Variants in SMG7 observed in about 807,000 individuals in gnomAD.
SMG7 encodes the protein nonsense-mediated mRNA decay factor SMG7.
A neutral mutation model predicts 148.2 loss-of-function variants in SMG7; 34 were observed. The ratio of observed to expected loss-of-function variants is 0.23; its 90% confidence interval spans 0.17 to 0.31. The LOEUF is 0.31. Among genes scored for constraint, SMG7 ranks in the 10% least tolerant of loss-of-function variants. The pLI is 1.00. For missense variants in SMG7, 1,114 were observed against 1,408.4 expected (o/e 0.79, Z 3.35); for synonymous variants, 492 against 515.1 (o/e 0.96, Z 0.61).
intron 1 of SMG7, among the ~76,000 whole-genome samples, chr1:183,506,065 G>A (rs1660823790): frequency 6.6e-6 from 1 of 152,152 alleles, no homozygotes; most frequent in Non-Finnish European, 1.5e-5. Context: ...TTCATTATCT[G>A]TGGCTTTCTG....
chr1:183,510,720 A>G (rs1557995237), intron 1 of SMG7, among the ~76,000 whole-genome samples: 1 of 152,066 alleles, frequency 6.6e-6, no homozygotes, highest in Non-Finnish European at 1.5e-5. Flanking sequence ...GGTTTTTGCT[A>G]TGTTAAAAAA....
rs531576950 is a variant in SMG7, at chr1:183,544,234, C to T, written c.1843-119C>T. ...TTTTAACTTAGGTGAATTTAAATATCTTCAGCATGTACTTTTTGATCTAAT... is the reference window on the plus strand; with the variant it reads ...TTTTAACTTAGGTGAATTTAAATATTTTCAGCATGTACTTTTTGATCTAAT... On this transcript the variant is annotated intron_variant, in intron 14 of 22. Transcript: ENST00000688051. 116 of 688,238 alleles carry T rather than the reference C, an allele frequency of 1.7e-4. 1 individual carries two copies. The South Asian group carries it at 2.9e-3, about 17-fold the overall frequency. 42.6% of individuals were successfully genotyped at this position (688,238 alleles called of 1,614,324 possible). A position where few individuals can be genotyped will look rare whatever the true frequency, so the allele number is the denominator to read the frequency against.
intron 1 of SMG7, among the ~76,000 whole-genome samples, chr1:183,486,378 T>C (rs966844345): frequency 6.6e-6 from 1 of 152,194 alleles, no homozygotes; most frequent in Non-Finnish European, 1.5e-5. Context: ...ACTTAAGCAA[T>C]GAAAAGAAGC....
intron 5 of SMG7, 32 bp downstream of exon 5, chr1:183,526,799 T>C: frequency 6.4e-7 from 1 of 1,565,526 alleles, no homozygotes; most frequent in Non-Finnish European, 8.7e-7. Flanking sequence ...ATTGATAATA[T>C]GTTCCTCCTT....
At chr1:183,546,477 C>G in intron 17 of SMG7, 140 bp downstream of exon 17, 2 of 878,432 alleles carry the variant, frequency 2.3e-6, no homozygotes, top group African/African-American at 1.7e-5. Context: ...TGGTGTAGCT[C>G]TTGGTTTCCT....
chr1:183,473,725 A>G (rs1651378431), intron 1 of SMG7: 1 of 985,092 alleles, frequency 1.0e-6, no homozygotes, highest in African/African-American at 1.7e-5. Flanking sequence ...TTTCAGGAGC[A>G]GAACTAAGAA....
chr1:183,544,466 T>G lies in SMG7; in HGVS notation c.1956T>G (p.Pro652=). 6.2e-7 allele frequency: 1 copy of G among 1,613,950 alleles called. No homozygotes were observed. The highest frequency in any genetic ancestry group is 1.3e-5 in the African/African-American group (1 of 75,058). The change falls in exon 15 of 23, where the codon CCT becomes CCG. Residue 652 remains proline (P), a synonymous_variant. Transcript: ENST00000688051. ...CCCAGTTCATCCCCATTCATCACCCTGGAGCCTTCCCTCCTCTTCCCAGCA... is the reference window on the plus strand; with the variant it reads ...CCCAGTTCATCCCCATTCATCACCCGGGAGCCTTCCCTCCTCTTCCCAGCA... The part of the protein sequence containing the change: ...SNSQFIPIHH[P]GAFPPLPSRP...
Position 183,517,785 on chromosome 1 carries a change from C to G in SMG7, c.277C>G (p.Leu93Val), listed in dbSNP as rs531929654. Residue 93 changes from leucine (L) to valine (V), a missense_variant, in exon 4 of 23, where the codon CTG (leucine) becomes GTG (valine). Leu to Val is a conservative substitution (Grantham distance 32, BLOSUM62 1). Transcript: ENST00000688051. Reference sequence around the variant, plus strand: ...GAGTGAAGTTCAGGCAAACCTTTCTCTGTTCCTAGAGGCAGCTAGTGGCTT... The same window carrying G: ...GAGTGAAGTTCAGGCAAACCTTTCTGTGTTCCTAGAGGCAGCTAGTGGCTT... ...NRSEVQANLS[L>V]FLEAASGFYT... The G allele has an allele frequency of 4.3e-6, 7 of 1,614,136 alleles. No homozygotes were observed. The highest frequency in any genetic ancestry group is 1.7e-5 in the Admixed American group (1 of 60,010).
chr1:183,476,918 G>C (rs1463369816), intron 1 of SMG7, among the ~76,000 whole-genome samples: 3 of 152,138 alleles, frequency 2.0e-5, no homozygotes, highest in Non-Finnish European at 4.4e-5. Flanking sequence ...GTAAAAGAAA[G>C]GGTGTATTGA....
intron 1 of SMG7, chr1:183,502,402 A>G (rs1023434908): frequency 2.0e-6 from 3 of 1,528,392 alleles, no homozygotes; most frequent in Admixed American, 3.9e-5. Flanking sequence ...GTAGGATGAA[A>G]ATTACAAGGG....
chr1:183,495,167 T>C (rs1658177653), intron 1 of SMG7, among the ~76,000 whole-genome samples: 1 of 152,080 alleles, frequency 6.6e-6, no homozygotes, highest in Non-Finnish European at 1.5e-5. Context: ...ATATATTTTT[T>C]TCTCTCCTTT....
intron 1 of SMG7, among the ~76,000 whole-genome samples, chr1:183,506,416 T>C (rs1016167580): frequency 6.6e-5 from 10 of 152,292 alleles, no homozygotes; most frequent in African/African-American, 2.4e-4. Context: ...AGTAGAGCAA[T>C]ATGATTTATT....
At chr1:183,520,413 A>G (rs571252389) in intron 4 of SMG7, among the ~76,000 whole-genome samples, 4 of 152,284 alleles carry the variant, frequency 2.6e-5, no homozygotes, top group South Asian at 2.1e-4. Context: ...TTGGATTCCC[A>G]GATTCCCATC....
intron 20 of SMG7, chr1:183,550,215 G>GGT (rs1220746802): frequency 3.4e-6 from 1 of 291,438 alleles, no homozygotes; most frequent in African/African-American, 2.2e-5. Context: ...TTTATTTGTA[G>GGT]GTGTTCATTC....
rs1475683831 is a variant in SMG7 at position 183,517,748 on chromosome 1, A to C, written c.240A>C (p.Ala80=). The C allele has an allele frequency of 6.2e-7, 1 of 1,614,030 alleles. No individual in the cohort carries two copies. The highest frequency in any genetic ancestry group is 8.5e-7 in the Non-Finnish European group (1 of 1,179,978). ...TGCAAGGCCAGGCAAAGAATCGAGCAAATCCGAATCGGAGTGAAGTTCAGG... is the reference window on the plus strand; with the variant it reads ...TGCAAGGCCAGGCAAAGAATCGAGCCAATCCGAATCGGAGTGAAGTTCAGG... ...TTLQGQAKNR[A]NPNRSEVQAN... is the part of the protein sequence containing the mutation. Residue 80 remains alanine (A), a synonymous_variant, in exon 4 of 23, where the codon GCA becomes GCC. Transcript: ENST00000688051.
intron 6 of SMG7, among the ~76,000 whole-genome samples, chr1:183,528,606 G>T (rs1350819012): frequency 6.6e-6 from 1 of 151,704 alleles, no homozygotes; most frequent in Non-Finnish European, 1.5e-5. Flanking sequence ...AGAGTTGAGT[G>T]GTTGTGATAG....
rs571771746 is a variant in SMG7 at position 183,553,380 on chromosome 1, T to C, written c.*1449T>C. ...GGTAGGGTTTATTTTCTGGGAGGTC[T>C]CTCCTTTGTGTGTCTGTATGTTTGT... On this transcript the variant is annotated 3_prime_UTR_variant, in exon 23 of 23. Coordinates refer to ENST00000688051, the MANE Select transcript of SMG7 (RefSeq NM_001375584.1). The C allele has an allele frequency of 1.6e-4, 110 of 683,582 alleles. 3 individuals carry two copies. The South Asian group carries it at 2.0e-3, about 12-fold the overall frequency. The allele number at this position is 683,582 out of a possible 1,614,324, so 42.3% of individuals were successfully genotyped here.
At chr1:183,474,970 G>C (rs1045743037) in intron 1 of SMG7, among the ~76,000 whole-genome samples, 2 of 152,190 alleles carry the variant, frequency 1.3e-5, no homozygotes, top group Admixed American at 6.5e-5. Context: ...AAGGTAGTGT[G>C]ATATAGCTGA....
chr1:183,490,004 CAG>C (rs1347161800), intron 1 of SMG7, among the ~76,000 whole-genome samples: 1 of 152,218 alleles, frequency 6.6e-6, no homozygotes, highest in Non-Finnish European at 1.5e-5. Flanking sequence ...CCAGCTGAAT[CAG>C]AACCTCTTGG....
Sources: gnomAD v4.1 joint callset for allele counts (sites outside exome capture counted in the v4.1 genomes callset) on GRCh38, gnomAD v4.1.1 for gene constraint, MANE v1.5 for transcripts, NCBI Gene and HGNC (gene_info 2026-07-23, HGNC 2026-07-21) for gene names.